The following GOLGA5 variants were observed in gnomAD, a reference collection of about 807,000 sequenced individuals.
The protein encoded by GOLGA5 is golgin subfamily A member 5.
In GOLGA5, 50 loss-of-function variants were observed where a neutral mutation model predicts 93.5. The observed-to-expected ratio is 0.53, with a 90% CI of 0.43 to 0.68. The LOEUF is 0.68. Ranked by LOEUF, GOLGA5 falls within the 30% of genes least tolerant of loss-of-function variation. The probability of loss-of-function intolerance (pLI) is 0.00; values close to 1 mark genes in which losing one functional copy is unlikely to be tolerated. For missense variants in GOLGA5, 760 were observed against 856.4 expected (o/e 0.89, Z 1.40); for synonymous variants, 312 against 304.5 (o/e 1.02, Z -0.26).
chr14:92,805,548 AT>A (rs1232136461), intron 2 of GOLGA5, among the ~76,000 whole-genome samples: 1 of 152,168 alleles, frequency 6.6e-6, no homozygotes, highest in Non-Finnish European at 1.5e-5. Flanking sequence ...TGCATGTTTA[AT>A]TTCATAAGAA....
intron 12 of GOLGA5, among the ~76,000 whole-genome samples, chr14:92,838,700 G>A (rs539805942): frequency 2.6e-5 from 4 of 152,154 alleles, no homozygotes; most frequent in Admixed American, 2.6e-4. Context: ...AGCGTGGGGA[G>A]TACAAAAAAA....
At chr14:92,837,739 T>G (rs1205609534) in intron 12 of GOLGA5, among the ~76,000 whole-genome samples, 1 of 152,092 alleles carries the variant, frequency 6.6e-6, no homozygotes, top group African/African-American at 2.4e-5. Flanking sequence ...AATATTTGTA[T>G]TTTTTGTAGA....
At position 92,797,719 on chromosome 14, in the gene GOLGA5, C is replaced by T; in HGVS notation, c.282C>T (p.Ala94=). The change falls in exon 2 of 13, where the codon GCC becomes GCT. Residue 94 remains alanine, a synonymous_variant. Coordinates refer to ENST00000163416, the MANE Select transcript of GOLGA5 (RefSeq NM_005113.4). ...VKVGSRTPVE[A]SHPVENASVP... is the part of the protein sequence containing the mutation. ...TAGGATCTCGGACACCAGTAGAGGC[C>T]TCTCATCCTGTTGAAAATGCATCTG... 6.2e-7 allele frequency: 1 copy of T among 1,613,928 alleles called. No individual in the cohort carries two copies. The highest frequency in any genetic ancestry group is 8.5e-7 in the Non-Finnish European group (1 of 1,179,944).
In GOLGA5 at chr14:92,819,842, G is replaced by T; in HGVS notation, c.1620+6G>T. 6.2e-7 allele frequency: 1 copy of T among 1,613,246 alleles called. No homozygotes were observed. Among genetic ancestry groups the T allele is most frequent in the Non-Finnish European group, 8.5e-7 (1 of 1,179,610 alleles). The stretch of plus-strand genomic sequence containing the variant: ...AACTGGAGCGACTGAAGCAGGTCAG[G>T]ATTTGAGATTGATGACTTCTGAGAC... On this transcript the variant is annotated splice_donor_region_variant and intron_variant, in intron 8 of 12. Coordinates refer to ENST00000163416, the MANE Select transcript of GOLGA5 (RefSeq NM_005113.4).
At chr14:92,807,083 T>C (rs1885003862) in intron 3 of GOLGA5, 120 bp downstream of exon 3, 3 of 649,196 alleles carry the variant, frequency 4.6e-6, no homozygotes, top group Non-Finnish European at 8.2e-6. Flanking sequence ...GCGGATTGCC[T>C]GAGGTCAGGA....
chr14:92,819,598 A>C (rs775632619), intron 7 of GOLGA5, 110 bp from the exon 8 acceptor site: 4 of 972,814 alleles, frequency 4.1e-6, no homozygotes, highest in Non-Finnish European at 6.4e-6. Flanking sequence ...GTGCCACTGC[A>C]CTCCAGCCTG....
intron 2 of GOLGA5, among the ~76,000 whole-genome samples, chr14:92,802,879 T>A (rs1223877774): frequency 6.6e-6 from 1 of 151,886 alleles, no homozygotes; most frequent in Non-Finnish European, 1.5e-5. Context: ...ATCCTCCCAC[T>A]TCCTCCTCCC....
chr14:92,836,931 G>A (rs929409646), intron 11 of GOLGA5, among the ~76,000 whole-genome samples: 2 of 152,104 alleles, frequency 1.3e-5, no homozygotes, highest in Non-Finnish European at 2.9e-5. Context: ...GCCAGGCGTG[G>A]TGGTAGTGGC....
In GOLGA5 at chr14:92,811,744, G is replaced by A. The variant is rs746545770; in HGVS notation, c.1310G>A (p.Arg437Lys). 1.2e-6 allele frequency: 2 copies of A among 1,607,140 alleles called. No individual in the cohort carries two copies. Among genetic ancestry groups the A allele is most frequent in the South Asian group, 1.1e-5 (1 of 90,840 alleles). ...ATTGACTACAAGCAAAAAGCTACTA[G>A]AATACTGCAAGTAAGCATGAAATGT... is the stretch of plus-strand genomic sequence containing the variant. ...ELIDYKQKAT[R>K]ILQSKEKLIN... Residue 437 changes from arginine to lysine, a missense_variant, in exon 6 of 13, where the codon AGA (arginine) becomes AAA (lysine). Coordinates refer to ENST00000163416, the MANE Select transcript of GOLGA5 (RefSeq NM_005113.4).
chr14:92,833,153 A>G lies in GOLGA5; in HGVS notation c.1751A>G (p.Gln584Arg), dbSNP rs1360245993. The G allele has an allele frequency of 1.9e-6, 3 of 1,553,716 alleles. No individual in the cohort carries two copies. In the African/African-American group the frequency reaches 4.1e-5, roughly 21 times the overall value. ...LTNKTLSNSS[Q>R]SELENRLHQL... Reference sequence around the variant, plus strand: ...AATAAAACTTTAAGCAATAGCAGTCAGTCTGAGTTAGAAAATCGACTCCAT... The same window carrying G: ...AATAAAACTTTAAGCAATAGCAGTCGGTCTGAGTTAGAAAATCGACTCCAT... The change falls in exon 10 of 13, where the codon CAG becomes CGG. Residue 584 changes from glutamine (Q) to arginine (R), a missense_variant. Transcript: ENST00000163416.
In GOLGA5 at chr14:92,806,826, C is replaced by A. The variant is rs148037758; in HGVS notation, c.635C>A (p.Thr212Asn). Residue 212 changes from threonine (T) to asparagine (N), a missense_variant, in exon 3 of 13, where the codon ACC (threonine) becomes AAC (asparagine). By Grantham distance (65) the Thr-to-Asn change is moderately conservative. Coordinates refer to ENST00000163416, the MANE Select transcript of GOLGA5 (RefSeq NM_005113.4). The part of the protein sequence containing the change: ...VSSNAACPDH[T>N]PTPNDDGKSH... ...TCAAATGCTGCCTGCCCTGACCACA[C>A]CCCAACACCTAATGATGATGGCAAA... 3.1e-4 allele frequency: 492 copies of A among 1,612,946 alleles called. 2 individuals are homozygous for A. In the African/African-American group the frequency reaches 5.9e-3, roughly 19 times the overall value.
intron 9 of GOLGA5, among the ~76,000 whole-genome samples, chr14:92,829,045 A>C (rs765448502): frequency 1.3e-5 from 2 of 152,116 alleles, no homozygotes; most frequent in East Asian, 3.9e-4. Flanking sequence ...GCTCACTGCA[A>C]CCTCCACCTC....
At chr14:92,815,689 T>G (rs1009448984) in intron 6 of GOLGA5, among the ~76,000 whole-genome samples, 7 of 143,942 alleles carry the variant, frequency 4.9e-5, no homozygotes, top group Non-Finnish European at 1.0e-4. Context: ...AAACACAAAT[T>G]TTTTTTAATC....
chr14:92,816,156 A>AT (rs1366387021), intron 6 of GOLGA5, 95 bp from the exon 7 acceptor site: 77 of 814,360 alleles, frequency 9.5e-5, no homozygotes, highest in Non-Finnish European at 1.2e-4. Context: ...AGATAATGGA[A>AT]TTTTTTTTAG....
chr14:92,833,611 C>T (rs955869890), intron 10 of GOLGA5, among the ~76,000 whole-genome samples: 3 of 152,172 alleles, frequency 2.0e-5, no homozygotes, highest in Admixed American at 2.0e-4. Flanking sequence ...CAAGATGATG[C>T]TGACAAGGCG....
In GOLGA5 at chr14:92,809,342, A is replaced by C; in HGVS notation, c.815A>C (p.Asp272Ala). ...ARARVEKWNADHSKSDRMTRG... is the reference protein window; with the variant it reads ...ARARVEKWNAAHSKSDRMTRG... Reference sequence around the variant, plus strand: ...GCAAGAGTTGAAAAGTGGAATGCTGACCATTCAAAGAGTGATCGAATGACT... The same window carrying C: ...GCAAGAGTTGAAAAGTGGAATGCTGCCCATTCAAAGAGTGATCGAATGACT... The change falls in exon 4 of 13, where the codon GAC (aspartate) becomes GCC (alanine). Residue 272 changes from aspartate to alanine, a missense_variant. Coordinates refer to ENST00000163416, the MANE Select transcript of GOLGA5 (RefSeq NM_005113.4). 1.2e-6 allele frequency: 2 copies of C among 1,613,322 alleles called. No individual in the cohort carries two copies. The highest frequency in any genetic ancestry group is 1.7e-6 in the Non-Finnish European group (2 of 1,179,358).
intron 1 of GOLGA5, among the ~76,000 whole-genome samples, chr14:92,796,391 C>G (rs889555224): frequency 9.9e-5 from 15 of 152,192 alleles, no homozygotes; most frequent in African/African-American, 3.4e-4. Context: ...AGTCCAAGAT[C>G]AAGGTATTGG....
intron 9 of GOLGA5, 72 bp from the exon 10 acceptor site, chr14:92,833,050 T>C: frequency 1.2e-6 from 1 of 823,116 alleles, no homozygotes; most frequent in East Asian, 2.4e-5. Flanking sequence ...CCTATGAAAA[T>C]GTAGTAGTGT....
At chr14:92,825,855 C>CA (rs35982767) in intron 9 of GOLGA5, among the ~76,000 whole-genome samples, 58,041 of 116,246 alleles carry the variant, frequency 0.5, 16,205 homozygotes, top group African/African-American at 0.71. Context: ...GACCCTGTCT[C>CA]AAAAAAAAAA....
Sources: gnomAD v4.1 joint callset for allele counts (sites outside exome capture counted in the v4.1 genomes callset) on GRCh38, gnomAD v4.1.1 for gene constraint, MANE v1.5 for transcripts, NCBI Gene and HGNC (gene_info 2026-07-23, HGNC 2026-07-21) for gene names.